GABRQ: variants seen among roughly 807,000 people sequenced by gnomAD.
The protein encoded by GABRQ is gamma-aminobutyric acid type A receptor subunit theta.
In GABRQ, 19 loss-of-function variants were observed where a neutral mutation model predicts 30.5. That is an observed-to-expected ratio of 0.62 (90% CI 0.43 to 0.91). GABRQ has a LOEUF of 0.91. Ranked by LOEUF, GABRQ falls within the 40% of genes least tolerant of loss-of-function variation. GABRQ has a pLI of 0.00. For synonymous variants in GABRQ, 187 were observed against 210.2 expected (o/e 0.89, Z 0.95); for missense variants, 520 against 521.4 (o/e 1.00, Z 0.03).
At chrX:152,639,900 G>A (rs1208802316) in intron 1 of GABRQ, among the ~76,000 whole-genome samples, 1 of 111,977 alleles carries the variant, frequency 8.9e-6, no homozygotes, top group African/African-American at 3.2e-5. Context: ...CATCTTACTA[G>A]GGCACTGAGA....
chrX:152,638,749 A>G (rs1406247624), intron 1 of GABRQ, among the ~76,000 whole-genome samples: 5 of 111,779 alleles, frequency 4.5e-5, no homozygotes, highest in Non-Finnish European at 9.4e-5. Context: ...ATGACGGGCA[A>G]TTCACAAAAC....
intron 2 of GABRQ, among the ~76,000 whole-genome samples, chrX:152,641,535 G>T (rs1556818418): frequency 8.9e-6 from 1 of 112,244 alleles, no homozygotes; most frequent in East Asian, 2.8e-4. Flanking sequence ...CAAGGTGGTA[G>T]TCCTGGGCCC....
Position 152,653,006 on chromosome X carries a change from G to A in GABRQ, c.1624G>A (p.Asp542Asn), listed in dbSNP as rs781807299. The change falls in exon 9 of 9, where the codon GAC becomes AAC. Residue 542 changes from aspartate (D) to asparagine (N), a missense_variant. By Grantham distance (23) the Asp-to-Asn change is conservative (BLOSUM62 1). Transcript: ENST00000598523. ...CCTTGATGACAACAATGACAAGAGC[G>A]ACTGCCTTGCCATTAAGGAGCAATT... Reference protein sequence around the residue: ...WDLDDNNDKSDCLAIKEQFKC... With the variant: ...WDLDDNNDKSNCLAIKEQFKC... 7.6e-5 allele frequency: 92 copies of A among 1,209,472 alleles called. No homozygotes were observed. Among genetic ancestry groups the A allele is most frequent in the South Asian group, 1.2e-4 (7 of 56,744 alleles).
chrX:152,649,844 G>A lies in GABRQ; in HGVS notation c.713G>A (p.Arg238Lys), dbSNP rs202047956. The A allele has an allele frequency of 1.4e-4, 168 of 1,199,895 alleles. No individual in the cohort carries two copies. Among genetic ancestry groups the A allele is most frequent in the Non-Finnish European group, 1.8e-4 (162 of 886,568 alleles). ...ATCCCTCAGTTCACTTTCCTGGGAA[G>A]GACGATTACTAGCAAGGAGGTGTAT... ...LHIPQFTFLG[R>K]TITSKEVYFY... is the part of the protein sequence containing the mutation. Residue 238 changes from arginine to lysine, a missense_variant, in exon 6 of 9, where the codon AGG (arginine) becomes AAG (lysine). Coordinates refer to ENST00000598523, the MANE Select transcript of GABRQ (RefSeq NM_018558.4).
At position 152,642,793 on chromosome X, in the gene GABRQ, G is replaced by A. The variant is rs149117655; in HGVS notation, c.238+2327G>A. ...TGGTATTTGGACTCCTTATCAGGACGTTTCTCATCCCCTCCCCACCCCCAT... is the reference window on the plus strand; with the variant it reads ...TGGTATTTGGACTCCTTATCAGGACATTTCTCATCCCCTCCCCACCCCCAT... On this transcript the variant is annotated intron_variant, in intron 2 of 8. Coordinates refer to ENST00000598523, the MANE Select transcript of GABRQ (RefSeq NM_018558.4). 4.3e-4 allele frequency among the ~76,000 whole-genome samples: 48 copies of A among 111,655 alleles called. No individual in the cohort carries two copies. In the East Asian group the frequency reaches 0.011, roughly 26 times the overall value.
intron 2 of GABRQ, among the ~76,000 whole-genome samples, chrX:152,644,202 AAC>A (rs1257262978): frequency 1.9e-4 from 21 of 111,180 alleles, no homozygotes; most frequent in African/African-American, 6.9e-4. Context: ...CACATACACA[AAC>A]ACACTCACAA....
rs1931170404 is a variant in GABRQ, at chrX:152,657,386, A to C, written c.*4105A>C. The C allele has an allele frequency of 8.9e-6, 1 of 112,162 alleles. No homozygotes were observed. The highest frequency in any genetic ancestry group is 1.9e-5 in the Non-Finnish European group (1 of 53,248). The allele number at this position is 112,162 out of a possible 1,213,427, so 9.2% of individuals were successfully genotyped here. On this transcript the variant is annotated 3_prime_UTR_variant, in exon 9 of 9. Coordinates refer to ENST00000598523, the MANE Select transcript of GABRQ (RefSeq NM_018558.4). ...ACTGGGTGGCTTCTTTGTCCTCATT[A>C]AATGTACATCTTTGCATGAAAAGGA...
intron 2 of GABRQ, among the ~76,000 whole-genome samples, 200 bp from the exon 3 acceptor site, chrX:152,645,327 C>G (rs1930862273): frequency 8.9e-6 from 1 of 112,001 alleles, no homozygotes; most frequent in Non-Finnish European, 1.9e-5. Context: ...CGAGGCCTTG[C>G]TCTAACTATG....
At position 152,647,197 on chromosome X, in the gene GABRQ, CCAG is replaced by C. The variant is rs782557669; in HGVS notation, c.527+33_527+35del. On this transcript the variant is annotated intron_variant, in intron 4 of 8. Coordinates refer to ENST00000598523, the MANE Select transcript of GABRQ (RefSeq NM_018558.4). The stretch of plus-strand genomic sequence containing the variant: ...AGTCCCCTAGGGGTCTGGGGATGTC[CCAG>C]CAGACTTCCTTCTTCCTACTGAATA... The C allele has an allele frequency of 1.7e-5, 17 of 1,017,232 alleles. No homozygotes were observed. In the South Asian group the frequency reaches 2.5e-4, roughly 15 times the overall value. The allele number at this position is 1,017,232 out of a possible 1,213,427, so 83.8% of individuals were successfully genotyped here.
rs781958098 is a variant in GABRQ at position 152,652,706 on chromosome X, GC to G, written c.1330del (p.Leu444TrpfsTer7). 3 of 1,210,851 alleles carry G rather than the reference GC, an allele frequency of 2.5e-6. No homozygotes were observed. In the East Asian group the frequency reaches 8.9e-5, roughly 36 times the overall value. On this transcript the variant is annotated frameshift_variant, in exon 9 of 9. Coordinates refer to ENST00000598523, the MANE Select transcript of GABRQ (RefSeq NM_018558.4). LOFTEE classifies it low-confidence loss of function (END_TRUNC). ...LSPLTSLSGQ[A>X]PLATGESLSD... ...CCCACTCACTTCTCTCTCAGGCCAG[GC>G]CCCCCTGGCCACTGGAGAAAGCCTG...
rs1930729708 is a variant in GABRQ at position 152,640,432 on chromosome X, A to G, written c.204A>G (p.Ser68=). ...AAAAGATTTTGGACAGGGTGCTGTC[A>G]AGATACGATGTCCGCCTGAGACCGA... is the stretch of plus-strand genomic sequence containing the variant. ...VVQKILDRVL[S]RYDVRLRPNF... The change falls in exon 2 of 9, where the codon TCA becomes TCG. Residue 68 remains serine, a synonymous_variant. Coordinates refer to ENST00000598523, the MANE Select transcript of GABRQ (RefSeq NM_018558.4). 1.7e-6 allele frequency: 2 copies of G among 1,197,600 alleles called. No homozygotes were observed.
At position 152,655,966 on chromosome X, in the gene GABRQ, C is replaced by A. The variant is rs1392506434; in HGVS notation, c.*2685C>A. 2 of 112,046 alleles carry A rather than the reference C, an allele frequency of 1.8e-5. No homozygotes were observed. Among genetic ancestry groups the A allele is most frequent in the East Asian group, 2.8e-4 (1 of 3,572 alleles). 9.2% of individuals were successfully genotyped at this position (112,046 alleles called of 1,213,427 possible). ...CCATATAGCTAGATATAATACTATA[C>A]CTTAAAAAGGATATCTTGCCCTGAC... is the stretch of plus-strand genomic sequence containing the variant. On this transcript the variant is annotated 3_prime_UTR_variant, in exon 9 of 9. Transcript: ENST00000598523.
intron 2 of GABRQ, among the ~76,000 whole-genome samples, chrX:152,643,212 G>A (rs60448192): frequency 0.018 from 2,033 of 112,053 alleles, 45 homozygotes; most frequent in African/African-American, 0.063. Flanking sequence ...TGTGTTTCTT[G>A]GAACTCCTGT....
At chrX:152,640,776 T>C (rs1556818302) in intron 2 of GABRQ, among the ~76,000 whole-genome samples, 2 of 112,064 alleles carry the variant, frequency 1.8e-5, no homozygotes, top group Admixed American at 9.4e-5. Context: ...TGCGGCGCGC[T>C]GTGTTCCTCA....
chrX:152,649,795 A>C lies in GABRQ; in HGVS notation c.664A>C (p.Ile222Leu). 8.5e-7 allele frequency: 1 copy of C among 1,175,843 alleles called. No individual in the cohort carries two copies. Among genetic ancestry groups the C allele is most frequent in the East Asian group, 3.0e-5 (1 of 33,721 alleles). The change falls in exon 6 of 9, where the codon ATC becomes CTC. Residue 222 changes from isoleucine to leucine, a missense_variant. Coordinates refer to ENST00000598523, the MANE Select transcript of GABRQ (RefSeq NM_018558.4). ...ATTCTGGGATGACAATGGGAACGCC[A>C]TCCACATGACTGAGGAGCTGCATAT... The part of the protein sequence containing the change: ...ILFWDDNGNA[I>L]HMTEELHIPQ...
intron 5 of GABRQ, 55 bp downstream of exon 5, chrX:152,649,388 G>A (rs2124914531): frequency 1.4e-6 from 1 of 724,258 alleles, no homozygotes; most frequent in Non-Finnish European, 2.2e-6. Context: ...GGTGATCAGG[G>A]AAGCAGAGGC....
rs1176788072 is a variant in GABRQ at position 152,638,326 on chromosome X, G to C, written c.124G>C (p.Glu42Gln). Residue 42 changes from glutamate to glutamine, a missense_variant, in exon 1 of 9, where the codon GAA (glutamate) becomes CAA (glutamine). Transcript: ENST00000598523. ...FHFEFSSAVP[E>Q]VVLNLFNCKN... The stretch of plus-strand genomic sequence containing the variant: ...CTTCGAGTTCTCCTCTGCTGTGCCC[G>C]AAGTCGTCCTGAACCTCTTCAACTG... 3 of 1,210,592 alleles carry C rather than the reference G, an allele frequency of 2.5e-6. No homozygotes were observed. In the African/African-American group the frequency reaches 5.2e-5, roughly 21 times the overall value.
chrX:152,646,111 A>C lies in GABRQ; in HGVS notation c.306+517A>C, dbSNP rs111390627. Among the ~76,000 whole-genome samples the C allele has an allele frequency of 8.5e-3, 963 of 112,967 alleles. 13 individuals carry two copies. The highest frequency in any genetic ancestry group is 0.029 in the African/African-American group (916 of 31,147). ...AATAAGAATATTTTGAAACCGATAG[A>C]AAAATTATCAGAAAATATGAACAAG... On this transcript the variant is annotated intron_variant, in intron 3 of 8. Transcript: ENST00000598523.
chrX:152,652,579 C>T lies in GABRQ; in HGVS notation c.1197C>T (p.Leu399=). Residue 399 remains leucine, a synonymous_variant, in exon 9 of 9, where the codon CTC becomes CTT. Transcript: ENST00000598523. ...LINVEDGVSS[L]PITPAQAPLA... The stretch of plus-strand genomic sequence containing the variant: ...ACGTGGAAGACGGAGTCAGCTCTCT[C>T]CCCATCACCCCAGCGCAGGCCCCCC... 1 of 1,208,697 alleles carries T rather than the reference C, an allele frequency of 8.3e-7. No individual in the cohort carries two copies. The highest frequency in any genetic ancestry group is 1.1e-6 in the Non-Finnish European group (1 of 892,838).
Sources: allele counts gnomAD v4.1 joint callset (sites outside exome capture counted in the v4.1 genomes callset), GRCh38; gene constraint gnomAD v4.1.1; transcripts MANE v1.5; gene names NCBI Gene and HGNC (gene_info 2026-07-23, HGNC 2026-07-21).